The following FBXL7 variants were observed in gnomAD, a reference collection of about 807,000 sequenced individuals.
The protein encoded by FBXL7 is F-box/LRR-repeat protein 7.
A neutral mutation model predicts 38.3 loss-of-function variants in FBXL7; 12 were observed. The ratio of observed to expected loss-of-function variants is 0.31; its 90% CI spans 0.20 to 0.51. FBXL7 has a LOEUF of 0.51. Ranked by LOEUF, FBXL7 falls within the 20% of genes least tolerant of loss-of-function variation. FBXL7 has a pLI of 0.98. For synonymous variants in FBXL7, 297 were observed against 300.9 expected, an observed-to-expected ratio of 0.99 and a Z score of 0.13; for missense variants, 567 against 676.4, an observed-to-expected ratio of 0.84 and a Z score of 1.79.
chr5:15,871,897 G>A (rs1036051248), intron 2 of FBXL7, among the ~76,000 whole-genome samples: 4 of 152,140 alleles, frequency 2.6e-5, no homozygotes, highest in African/African-American at 9.7e-5. Flanking sequence ...ATCCACCATA[G>A]CAAGATAGGC....
intron 1 of FBXL7, among the ~76,000 whole-genome samples, chr5:15,540,882 A>AC (rs1440532356): frequency 6.6e-6 from 1 of 152,020 alleles, no homozygotes; most frequent in Non-Finnish European, 1.5e-5. Flanking sequence ...CCTCCTAGGG[A>AC]CCCCATCTCC....
intron 2 of FBXL7, among the ~76,000 whole-genome samples, chr5:15,840,778 T>C (rs1214978787): frequency 7.2e-6 from 1 of 139,030 alleles, no homozygotes; most frequent in East Asian, 2.1e-4. Flanking sequence ...ACCCAGGAGG[T>C]GGACGTTGCA....
At chr5:15,687,048 G>A (rs1743036288) in intron 2 of FBXL7, among the ~76,000 whole-genome samples, 1 of 152,166 alleles carries the variant, frequency 6.6e-6, no homozygotes, top group Non-Finnish European at 1.5e-5. Flanking sequence ...GGCAGGTTGT[G>A]GATCCTACAT....
intron 1 of FBXL7, among the ~76,000 whole-genome samples, chr5:15,598,978 A>G (rs1444116658): frequency 6.6e-6 from 1 of 152,152 alleles, no homozygotes; most frequent in Non-Finnish European, 1.5e-5. Flanking sequence ...TCCTTCCTAC[A>G]AATTGTAGTA....
chr5:15,652,578 T>G (rs960124578), intron 2 of FBXL7, among the ~76,000 whole-genome samples: 1 of 152,216 alleles, frequency 6.6e-6, no homozygotes, highest in African/African-American at 2.4e-5. Context: ...AAATTTTTCT[T>G]TTTCATTTAC....
intron 1 of FBXL7, among the ~76,000 whole-genome samples, chr5:15,594,553 C>T (rs898633369): frequency 1.3e-5 from 2 of 152,184 alleles, no homozygotes; most frequent in Non-Finnish European, 2.9e-5. Context: ...TCCCAGCTCA[C>T]ACTGGGGATG....
chr5:15,917,893 A>G (rs1741637527), intron 2 of FBXL7, among the ~76,000 whole-genome samples: 1 of 152,150 alleles, frequency 6.6e-6, no homozygotes, highest in African/African-American at 2.4e-5. Flanking sequence ...TCTAATAGCA[A>G]TGCTACTCTA....
At chr5:15,827,226 G>GT (rs1262321430) in intron 2 of FBXL7, among the ~76,000 whole-genome samples, 11 of 151,360 alleles carry the variant, frequency 7.3e-5, no homozygotes, top group South Asian at 4.2e-4. Context: ...TCTCAATGTG[G>GT]TTTTTTTTGT....
intron 1 of FBXL7, among the ~76,000 whole-genome samples, chr5:15,586,636 A>G (rs1213500377): frequency 1.3e-5 from 2 of 152,148 alleles, no homozygotes; most frequent in African/African-American, 2.4e-5. Flanking sequence ...AGTGAAAACA[A>G]TGAAGAATTG....
At chr5:15,935,964 G>T (rs1197503760) in intron 3 of FBXL7, among the ~76,000 whole-genome samples, 1 of 152,110 alleles carries the variant, frequency 6.6e-6, no homozygotes, top group African/African-American at 2.4e-5. Context: ...CCCGAGCTTT[G>T]TCTTTCATAT....
intron 1 of FBXL7, among the ~76,000 whole-genome samples, chr5:15,556,047 T>C (rs1029595573): frequency 3.3e-5 from 5 of 151,426 alleles, no homozygotes; most frequent in Non-Finnish European, 7.4e-5. Context: ...ACTTATCATC[T>C]ATTATCTATC....
At chr5:15,516,684 G>A (rs1736946447) in intron 1 of FBXL7, among the ~76,000 whole-genome samples, 1 of 152,020 alleles carries the variant, frequency 6.6e-6, no homozygotes, top group African/African-American at 2.4e-5. Flanking sequence ...TGTCGTGGGA[G>A]GGACTTCGTG....
intron 2 of FBXL7, among the ~76,000 whole-genome samples, chr5:15,779,045 A>G (rs2126718877): frequency 6.6e-6 from 1 of 152,280 alleles, no homozygotes; most frequent in Non-Finnish European, 1.5e-5. Context: ...TTGTCATTAC[A>G]GTAGATGACA....
At chr5:15,526,826 T>G (rs2126383867) in intron 1 of FBXL7, among the ~76,000 whole-genome samples, 1 of 152,304 alleles carries the variant, frequency 6.6e-6, no homozygotes, top group South Asian at 2.1e-4. Flanking sequence ...TGAGCACAAC[T>G]TGTTGCTTCC....
chr5:15,815,827 T>C lies in FBXL7; in HGVS notation c.128-112063T>C, dbSNP rs151215835. On this transcript the variant is annotated intron_variant, in intron 2 of 3. Transcript: ENST00000504595. ...TTTTAGTAAGGTGATAACCAATGGC[T>C]ATATTTGAGAAAATTTATTTTAGAT... Among the ~76,000 whole-genome samples the C allele has an allele frequency of 5.1e-3, 770 of 152,324 alleles. 8 individuals are homozygous for C. Among genetic ancestry groups the C allele is most frequent in the African/African-American group, 0.018 (730 of 41,576 alleles).
chr5:15,689,853 C>T (rs1328596908), intron 2 of FBXL7, among the ~76,000 whole-genome samples: 2 of 152,202 alleles, frequency 1.3e-5, no homozygotes, highest in East Asian at 1.9e-4. Flanking sequence ...ACCAGGGATT[C>T]TCAACCTTGG....
At chr5:15,848,484 C>G (rs899755666) in intron 2 of FBXL7, among the ~76,000 whole-genome samples, 1 of 152,078 alleles carries the variant, frequency 6.6e-6, no homozygotes, top group African/African-American at 2.4e-5. Flanking sequence ...CAGGTTCAAG[C>G]GATTCTCCTG....
At chr5:15,811,250 C>A (rs1383042243) in intron 2 of FBXL7, among the ~76,000 whole-genome samples, 3 of 152,186 alleles carry the variant, frequency 2.0e-5, no homozygotes, top group Non-Finnish European at 4.4e-5. Flanking sequence ...CAGACTGCCA[C>A]AACAAAGCAC....
In FBXL7 at chr5:15,928,134, G is replaced by T. The variant is rs767988697; in HGVS notation, c.372G>T (p.Gln124His). Reference sequence around the variant, plus strand: ...GGCTCCCGGACCACTCCATGGTGCAGATCTTCTCCTTCCTGCCCACCAACC... The same window carrying T: ...GGCTCCCGGACCACTCCATGGTGCATATCTTCTCCTTCCTGCCCACCAACC... ...IDRLPDHSMV[Q>H]IFSFLPTNQL... Residue 124 changes from glutamine (Q) to histidine (H), a missense_variant, in exon 3 of 4, where the codon CAG becomes CAT. Transcript: ENST00000504595. This position sits in a 1 kb window ranked among gnomAD's most constrained non-coding sequence, Gnocchi z 4.0. 3 of 1,611,558 alleles carry T rather than the reference G, an allele frequency of 1.9e-6. No individual in the cohort carries two copies. The highest frequency in any genetic ancestry group is 1.3e-5 in the African/African-American group (1 of 74,870).
Sources: gnomAD v4.1 joint callset for allele counts (sites outside exome capture counted in the v4.1 genomes callset) on GRCh38, gnomAD v4.1.1 for gene constraint, Gnocchi (gnomAD v3.1) non-coding constraint, MANE v1.5 for transcripts, NCBI Gene and HGNC (gene_info 2026-07-23, HGNC 2026-07-21) for gene names.